Variants in STK32A observed in about 807,000 individuals in gnomAD.
The protein encoded by STK32A is serine/threonine-protein kinase 32A.
A neutral mutation model predicts 53.2 loss-of-function variants in STK32A; 41 were observed. The ratio of observed to expected loss-of-function variants is 0.77; its 90% CI spans 0.60 to 1.00. The LOEUF (loss-of-function observed/expected upper bound fraction) is 1.00. STK32A is among the 50% of genes least tolerant of loss of function. STK32A has a pLI of 0.00. For missense variants in STK32A, 458 were observed against 485.8 expected, an observed-to-expected ratio of 0.94 and a Z score of 0.54; for synonymous variants, 166 against 162.8, an observed-to-expected ratio of 1.02 and a Z score of -0.15.
chr5:147,320,975 G>T (rs1380980711), intron 4 of STK32A, among the ~76,000 whole-genome samples: 7 of 152,208 alleles, frequency 4.6e-5, no homozygotes, highest in Non-Finnish European at 8.8e-5. Flanking sequence ...TAACTGCAAG[G>T]TAGAGAATGG....
intron 4 of STK32A, among the ~76,000 whole-genome samples, chr5:147,319,566 G>A (rs1472137029): frequency 6.6e-6 from 1 of 152,046 alleles, no homozygotes; most frequent in Non-Finnish European, 1.5e-5. Flanking sequence ...TTCACACTAG[G>A]TACACCTTGA....
Position 147,273,586 on chromosome 5 carries a change from T to C in STK32A, c.53-4538T>C, listed in dbSNP as rs76125481. Among the ~76,000 whole-genome samples the C allele has an allele frequency of 7.0e-3, 1,065 of 152,328 alleles. 19 individuals carry two copies. The highest frequency in any genetic ancestry group is 0.025 in the African/African-American group (1,020 of 41,578). On this transcript the variant is annotated intron_variant, in intron 2 of 12. Transcript: ENST00000397936. ...ACTTTCCATGTGACTATAATGAATA[T>C]AAACTTGCTAATGAGCAGAGTGTGA...
chr5:147,305,431 C>G (rs958414906), intron 4 of STK32A, among the ~76,000 whole-genome samples: 9 of 152,044 alleles, frequency 5.9e-5, no homozygotes. Context: ...CAGGAAAGCG[C>G]GGGCTTCATC....
At chr5:147,318,050 CA>C (rs939824749) in intron 4 of STK32A, among the ~76,000 whole-genome samples, 20 of 151,686 alleles carry the variant, frequency 1.3e-4, no homozygotes, top group East Asian at 3.9e-4. Context: ...ATCTTATTTT[CA>C]AAAAAAATTA....
the STK32A span, chr5:147,395,729 C>T: frequency 6.2e-7 from 1 of 1,613,376 alleles, no homozygotes; most frequent in Admixed American, 1.7e-5. Flanking sequence ...CATCTGCAGC[C>T]AGAGAAGAGC....
At chr5:147,270,347 G>A (rs938978613) in intron 2 of STK32A, among the ~76,000 whole-genome samples, 5 of 151,810 alleles carry the variant, frequency 3.3e-5, no homozygotes, top group African/African-American at 9.7e-5. Context: ...CAAGTAGATG[G>A]GACCACAGGC....
At chr5:147,255,990 T>C (rs9687342) in intron 2 of STK32A, among the ~76,000 whole-genome samples, 82,354 of 151,726 alleles carry the variant, frequency 0.54, 22,745 homozygotes, top group Admixed American at 0.68. Flanking sequence ...TTTCCTTCCT[T>C]TGGTTGATGA....
At chr5:147,288,236 G>A (rs1001935193) in intron 4 of STK32A, among the ~76,000 whole-genome samples, 1 of 152,158 alleles carries the variant, frequency 6.6e-6, no homozygotes, top group African/African-American at 2.4e-5. Flanking sequence ...CTAACTGGGA[G>A]GGGGAATTCT....
intron 2 of STK32A, among the ~76,000 whole-genome samples, chr5:147,240,325 C>T (rs940082107): frequency 2.0e-5 from 3 of 152,128 alleles, no homozygotes; most frequent in Non-Finnish European, 4.4e-5. Flanking sequence ...ACAGCATTGG[C>T]GTATGCAGGT....
At chr5:147,266,603 G>A (rs1327725849) in intron 2 of STK32A, among the ~76,000 whole-genome samples, 1 of 152,112 alleles carries the variant, frequency 6.6e-6, no homozygotes. Context: ...CGTCCAAAAT[G>A]TTTTTAGGTG....
chr5:147,271,708 G>A lies in STK32A; in HGVS notation c.53-6416G>A, dbSNP rs190611761. ...GGTTGAAACTGTAGGGATGAAATTAGCCCCAGTCTCCCATAGTGCTCCCAG... is the reference window on the plus strand; with the variant it reads ...GGTTGAAACTGTAGGGATGAAATTAACCCCAGTCTCCCATAGTGCTCCCAG... On this transcript the variant is annotated intron_variant, in intron 2 of 12. Coordinates refer to ENST00000397936, the MANE Select transcript of STK32A (RefSeq NM_001112724.2). Among the ~76,000 whole-genome samples, 576 of 152,182 alleles carry A rather than the reference G, an allele frequency of 3.8e-3. 1 individual carries two copies. The highest frequency in any genetic ancestry group is 8.5e-3 in the African/African-American group (354 of 41,528).
At chr5:147,257,257 G>A (rs570834819) in intron 2 of STK32A, among the ~76,000 whole-genome samples, 246 of 151,948 alleles carry the variant, frequency 1.6e-3, no homozygotes, top group Middle Eastern at 0.014. Context: ...GGGGCGGGGC[G>A]GGGGGTAGGA....
chr5:147,330,896 G>A (rs1754835650), intron 5 of STK32A, among the ~76,000 whole-genome samples: 1 of 152,184 alleles, frequency 6.6e-6, no homozygotes, highest in South Asian at 2.1e-4. Flanking sequence ...TCAAAATTAT[G>A]TTTGTTTTAA....
the STK32A span, chr5:147,399,324 A>G: frequency 6.7e-7 from 1 of 1,497,842 alleles, no homozygotes; most frequent in Non-Finnish European, 8.9e-7. Context: ...CTGAACTCAG[A>G]GAAAGACAAC....
chr5:147,316,660 A>G (rs1307918757), intron 4 of STK32A, among the ~76,000 whole-genome samples: 1 of 152,186 alleles, frequency 6.6e-6, no homozygotes, highest in African/African-American at 2.4e-5. Flanking sequence ...GTTCAAGACC[A>G]GTCTGAGCAA....
At chr5:147,359,813 A>C (rs1384661421) in intron 7 of STK32A, among the ~76,000 whole-genome samples, 1 of 152,188 alleles carries the variant, frequency 6.6e-6, no homozygotes, top group Non-Finnish European at 1.5e-5. Context: ...TTCCTGCTGC[A>C]TCAAGCTCTT....
chr5:147,314,523 A>C lies in STK32A; in HGVS notation c.261-9375A>C, dbSNP rs201516095. The stretch of plus-strand genomic sequence containing the variant: ...CAAAAAAAACAAAAAAAAACAAAAA[A>C]AAACAAAAAAAAAAAAAGAACAAAG... On this transcript the variant is annotated intron_variant, in intron 4 of 12. Coordinates refer to ENST00000397936, the MANE Select transcript of STK32A (RefSeq NM_001112724.2). 9.1e-3 allele frequency among the ~76,000 whole-genome samples: 186 copies of C among 20,388 alleles called. 9 individuals carry two copies. In the East Asian group the frequency reaches 0.1, roughly 11 times the overall value. The allele number at this position is 20,388 out of a possible 152,430, so 13.4% of individuals were successfully genotyped here. A position where few individuals can be genotyped will look rare whatever the true frequency, so the allele number is the denominator to read the frequency against.
chr5:147,354,380 A>G (rs1317407381), intron 7 of STK32A, among the ~76,000 whole-genome samples: 1 of 152,188 alleles, frequency 6.6e-6, no homozygotes, highest in Non-Finnish European at 1.5e-5. Context: ...CCATGGTGAG[A>G]GAAGTACGGG....
intron 2 of STK32A, among the ~76,000 whole-genome samples, chr5:147,262,888 C>T (rs1754645511): frequency 6.6e-6 from 1 of 152,176 alleles, no homozygotes; most frequent in Non-Finnish European, 1.5e-5. Context: ...GGAATTGGCA[C>T]TGTCACGTGC....
Sources: allele counts gnomAD v4.1 joint callset (sites outside exome capture counted in the v4.1 genomes callset), GRCh38; gene constraint gnomAD v4.1.1; transcripts MANE v1.5; gene names NCBI Gene and HGNC (gene_info 2026-07-23, HGNC 2026-07-21).